The following BEGAIN variants were observed in gnomAD, a reference collection of about 807,000 sequenced individuals.
The protein encoded by BEGAIN is brain enriched guanylate kinase associated.
In BEGAIN, 19 loss-of-function variants were observed where a neutral mutation model predicts 35.8. The ratio of observed to expected loss-of-function variants is 0.53; its 90% CI spans 0.37 to 0.78. BEGAIN has a LOEUF of 0.78. BEGAIN is among the 30% of genes least tolerant of loss of function. BEGAIN has a pLI of 0.00. For missense variants in BEGAIN, 795 were observed against 853.6 expected, an observed-to-expected ratio of 0.93 and a Z score of 0.85; for synonymous variants, 462 against 388.6, an observed-to-expected ratio of 1.19 and a Z score of -2.22.
intron 2 of BEGAIN, among the ~76,000 whole-genome samples, chr14:100,565,246 G>A (rs914428874): frequency 3.3e-5 from 5 of 152,222 alleles, no homozygotes; most frequent in African/African-American, 1.2e-4. Context: ...AAGACACAGA[G>A]TTTGTCATGT....
intron 1 of BEGAIN, chr14:100,577,491 A>G (rs2035226577): frequency 5.0e-6 from 2 of 399,376 alleles, no homozygotes; most frequent in Non-Finnish European, 8.8e-6. Flanking sequence ...CAGCTCTTGT[A>G]AGGGCCTCCT....
In BEGAIN at chr14:100,558,988, G is replaced by T. The variant is rs377286507; in HGVS notation, c.71+8923C>A. Among the ~76,000 whole-genome samples the T allele has an allele frequency of 6.6e-6, 1 of 152,164 alleles. No individual in the cohort carries two copies. Among genetic ancestry groups the T allele is most frequent in the African/African-American group, 2.4e-5 (1 of 41,442 alleles). On this transcript the variant is annotated intron_variant, in intron 2 of 6. Coordinates refer to ENST00000554140, the MANE Select transcript of BEGAIN (RefSeq NM_001385089.1). This position sits in a 1 kb window ranked among gnomAD's most constrained non-coding sequence, Gnocchi z 4.6. ...GGAGCCTGGGGCCTGGGGGTTGTTG[G>T]GGGGAGCAGACAAGGGGTGGGCCTG...
At chr14:100,543,810 C>G (rs1403284266) in intron 5 of BEGAIN, 48 bp downstream of exon 5, 3 of 1,491,312 alleles carry the variant, frequency 2.0e-6, no homozygotes, top group South Asian at 2.3e-5. Flanking sequence ...AAGCCCTCGC[C>G]TAGGCCCACC....
intron 2 of BEGAIN, chr14:100,548,797 TG>T (rs2140555272): frequency 6.6e-6 from 1 of 152,100 alleles, no homozygotes; most frequent in South Asian, 2.1e-4. Context: ...GGCTATGGGG[TG>T]GGCTCGGGGC....
Position 100,543,915 on chromosome 14 carries a change from G to A in BEGAIN, c.351C>T (p.Ala117=). 1 of 1,613,568 alleles carries A rather than the reference G, an allele frequency of 6.2e-7. No homozygotes were observed. The highest frequency in any genetic ancestry group is 8.5e-7 in the Non-Finnish European group (1 of 1,179,874). The change falls in exon 5 of 7, where the codon GCC becomes GCT. Residue 117 remains alanine, a synonymous_variant. Coordinates refer to ENST00000554140, the MANE Select transcript of BEGAIN (RefSeq NM_001385089.1). Reference sequence around the variant, plus strand: ...TGGCTTCTAGCAGATGGCTGTTGAGGGCAACAATCTCGTGGCTCAGCGCAC... The same window carrying A: ...TGGCTTCTAGCAGATGGCTGTTGAGAGCAACAATCTCGTGGCTCAGCGCAC... The part of the protein sequence containing the change: ...EKRALSHEIV[A]LNSHLLEAKV...
At chr14:100,544,777 T>C (rs1287117689) in intron 4 of BEGAIN, among the ~76,000 whole-genome samples, 1 of 152,032 alleles carries the variant, frequency 6.6e-6, no homozygotes, top group Non-Finnish European at 1.5e-5. Flanking sequence ...ACCCCCAGGC[T>C]GGAGTGCTCG....
intron 1 of BEGAIN, among the ~76,000 whole-genome samples, chr14:100,583,198 C>A (rs2035359302): frequency 6.6e-6 from 1 of 152,032 alleles, no homozygotes; most frequent in African/African-American, 2.4e-5. Context: ...TGTCTCGTAT[C>A]CATGCATCCA....
intron 1 of BEGAIN, among the ~76,000 whole-genome samples, chr14:100,579,361 G>A (rs1400544424): frequency 6.6e-6 from 1 of 152,188 alleles, no homozygotes. Context: ...AGTGGGGCCA[G>A]GGAGATAAAC....
rs536556109 is a variant in BEGAIN at position 100,543,858 on chromosome 14, G to A, written c.408C>T (p.Asn136=). 13 of 1,612,118 alleles carry A rather than the reference G, an allele frequency of 8.1e-6. No individual in the cohort carries two copies. Among genetic ancestry groups the A allele is most frequent in the South Asian group, 6.6e-5 (6 of 90,730 alleles). The change falls in exon 5 of 7, where the codon AAC becomes AAT. Residue 136 remains asparagine, a splice_region_variant and synonymous_variant. Transcript: ENST00000554140. ...KVTIDKLSED[N]ELYRKDCNLA... Reference sequence around the variant, plus strand: ...TGGGCCAAGTGTGTGCGGCACTCACGTTGTCCTCTGACAGCTTGTCGATGG... The same window carrying A: ...TGGGCCAAGTGTGTGCGGCACTCACATTGTCCTCTGACAGCTTGTCGATGG...
chr14:100,540,317 G>A, intron 6 of BEGAIN, 179 bp downstream of exon 6: 1 of 600,660 alleles, frequency 1.7e-6, no homozygotes, highest in Non-Finnish European at 3.0e-6. Context: ...GCGTGAGGTG[G>A]GGTGCCTTTG....
At chr14:100,555,418 C>T (rs1218502807) in intron 2 of BEGAIN, among the ~76,000 whole-genome samples, 2 of 152,264 alleles carry the variant, frequency 1.3e-5, no homozygotes, top group Non-Finnish European at 2.9e-5. Flanking sequence ...TGCGCTGACT[C>T]TGTCCTTTGT....
intron 2 of BEGAIN, among the ~76,000 whole-genome samples, chr14:100,564,393 A>G (rs967617750): frequency 1.3e-4 from 20 of 152,022 alleles, no homozygotes; most frequent in African/African-American, 4.6e-4. Context: ...TTGACAGAGG[A>G]GGGAACCGAA....
chr14:100,576,417 G>T (rs1172007825), intron 1 of BEGAIN, among the ~76,000 whole-genome samples: 1 of 152,206 alleles, frequency 6.6e-6, no homozygotes, highest in African/African-American at 2.4e-5. Context: ...CCAAGCTGGG[G>T]GTCAGAAGCT....
intron 1 of BEGAIN, among the ~76,000 whole-genome samples, chr14:100,585,702 C>A (rs2035429610): frequency 6.6e-6 from 1 of 151,972 alleles, no homozygotes; most frequent in Non-Finnish European, 1.5e-5. Context: ...TGACAGGTGT[C>A]CCCCTACTCC....
intron 2 of BEGAIN, among the ~76,000 whole-genome samples, chr14:100,566,514 T>TCC (rs573918233): frequency 1.3e-5 from 2 of 151,730 alleles, no homozygotes; most frequent in East Asian, 2.0e-4. Context: ...CAGTGTTTCC[T>TCC]CCCCCCCACA....
intron 1 of BEGAIN, chr14:100,577,688 C>T: frequency 2.5e-6 from 1 of 399,112 alleles, no homozygotes; most frequent in East Asian, 3.6e-5. Flanking sequence ...GCCCGGCTGC[C>T]TGTGTTCAGG....
intron 1 of BEGAIN, among the ~76,000 whole-genome samples, chr14:100,576,781 C>T (rs1356246103): frequency 6.6e-6 from 1 of 152,246 alleles, no homozygotes; most frequent in Non-Finnish European, 1.5e-5. Flanking sequence ...GGAAATCTCA[C>T]CACATCTTTT....
At chr14:100,580,214 A>C (rs1168353740) in intron 1 of BEGAIN, among the ~76,000 whole-genome samples, 1 of 152,194 alleles carries the variant, frequency 6.6e-6, no homozygotes, top group Non-Finnish European at 1.5e-5. Flanking sequence ...GAAGCAGAAG[A>C]ATCACTTGAA....
chr14:100,581,372 G>A (rs1296672707), intron 1 of BEGAIN, among the ~76,000 whole-genome samples: 1 of 152,178 alleles, frequency 6.6e-6, no homozygotes, highest in Non-Finnish European at 1.5e-5. Context: ...GCCTGGGCCT[G>A]AGGCTCTAAG....
Sources: gnomAD v4.1 joint callset for allele counts (sites outside exome capture counted in the v4.1 genomes callset) on GRCh38, gnomAD v4.1.1 for gene constraint, Gnocchi (gnomAD v3.1) non-coding constraint, MANE v1.5 for transcripts, NCBI Gene and HGNC (gene_info 2026-07-23, HGNC 2026-07-21) for gene names.